GALNT17: variants seen among roughly 807,000 people sequenced by gnomAD.
GALNT17 encodes the protein polypeptide N-acetylgalactosaminyltransferase 17, also known as UDP-GalNAc:polypeptide N-acetylgalactosaminyltransferase-like 3.
GALNT17 carries 29 observed loss-of-function variants against 63.7 expected under a neutral mutation model. The observed-to-expected ratio is 0.46, with a 90% confidence interval of 0.34 to 0.62. The LOEUF is 0.62. Ranked by LOEUF, GALNT17 falls within the 20% of genes least tolerant of loss-of-function variation. The probability of loss-of-function intolerance (pLI) is 0.01; values close to 1 mark genes in which losing one functional copy is unlikely to be tolerated. For missense variants in GALNT17, 603 were observed against 799.6 expected (o/e 0.75, Z 2.97); for synonymous variants, 305 against 318.3 (o/e 0.96, Z 0.45).
At chr7:71,195,226 A>AT (rs1789024943) in intron 1 of GALNT17, among the ~76,000 whole-genome samples, 2 of 151,850 alleles carry the variant, frequency 1.3e-5, no homozygotes, top group Non-Finnish European at 1.5e-5. Flanking sequence ...TTATTTATTT[A>AT]TTTTTTTCAG....
chr7:71,428,755 G>A (rs1238698764), intron 5 of GALNT17, among the ~76,000 whole-genome samples: 2 of 152,134 alleles, frequency 1.3e-5, no homozygotes, highest in East Asian at 1.9e-4. Context: ...TTTTAAAGTG[G>A]TTCCAAGTCC....
intron 6 of GALNT17, among the ~76,000 whole-genome samples, chr7:71,641,403 A>G (rs1790600592): frequency 6.6e-6 from 1 of 152,168 alleles, no homozygotes; most frequent in Non-Finnish European, 1.5e-5. Context: ...AGCTGCTATA[A>G]CAAAATACCG....
chr7:71,631,897 C>T (rs140114639), intron 6 of GALNT17, among the ~76,000 whole-genome samples: 2,296 of 152,018 alleles, frequency 0.015, 28 homozygotes, highest in Non-Finnish European at 0.025. Context: ...TGGGTTAACT[C>T]GCCCAGCTGA....
At chr7:71,153,100 C>A (rs1198485381) in intron 1 of GALNT17, among the ~76,000 whole-genome samples, 1 of 152,134 alleles carries the variant, frequency 6.6e-6, no homozygotes, top group Non-Finnish European at 1.5e-5. Flanking sequence ...GGGTTTCAGA[C>A]AATGGACGAA....
At position 71,415,671 on chromosome 7, in the gene GALNT17, G is replaced by A. The variant is rs115607890; in HGVS notation, c.590-218G>A. On this transcript the variant is annotated intron_variant, in intron 3 of 10. Coordinates refer to ENST00000333538, the MANE Select transcript of GALNT17 (RefSeq NM_022479.3). The stretch of plus-strand genomic sequence containing the variant: ...AGGCCTGGTTCCCATCCCGCTGTAC[G>A]GATTGCAAACTGTCAGAAGATAGCT... Among the ~76,000 whole-genome samples, 290 of 152,264 alleles carry A rather than the reference G, an allele frequency of 1.9e-3. 1 individual carries two copies. The highest frequency in any genetic ancestry group is 6.8e-3 in the African/African-American group (281 of 41,560).
At chr7:71,282,475 A>G (rs967075367) in intron 1 of GALNT17, among the ~76,000 whole-genome samples, 1 of 152,254 alleles carries the variant, frequency 6.6e-6, no homozygotes, top group African/African-American at 2.4e-5. Context: ...AGCATTTAGC[A>G]CTGTGTCAGG....
intron 5 of GALNT17, among the ~76,000 whole-genome samples, chr7:71,533,431 C>T (rs569597057): frequency 5.9e-5 from 9 of 152,280 alleles, no homozygotes; most frequent in Non-Finnish European, 8.8e-5. Flanking sequence ...CCTTGCTTTG[C>T]GGTATCTTTC....
At chr7:71,356,974 G>A (rs919663129) in intron 2 of GALNT17, among the ~76,000 whole-genome samples, 1 of 151,820 alleles carries the variant, frequency 6.6e-6, no homozygotes, top group Non-Finnish European at 1.5e-5. Context: ...TAGAGACAGG[G>A]TTTCACCACG....
intron 6 of GALNT17, among the ~76,000 whole-genome samples, chr7:71,646,413 G>A (rs113050297): frequency 0.022 from 3,318 of 152,270 alleles, 145 homozygotes; most frequent in African/African-American, 0.075. Context: ...CCAGCCACAG[G>A]CCACCACCTT....
At chr7:71,393,223 T>G (rs984504431) in intron 3 of GALNT17, among the ~76,000 whole-genome samples, 6 of 151,858 alleles carry the variant, frequency 4.0e-5, no homozygotes, top group East Asian at 1.9e-4. Context: ...GCATACTCTG[T>G]TTTTTTTGCC....
chr7:71,633,256 C>T (rs796356496), intron 6 of GALNT17, among the ~76,000 whole-genome samples: 78 of 152,186 alleles, frequency 5.1e-4, no homozygotes, highest in African/African-American at 1.2e-3. Flanking sequence ...AGGCACAGCC[C>T]GGCTGTGGGT....
At chr7:71,433,061 T>A (rs891051393) in intron 5 of GALNT17, among the ~76,000 whole-genome samples, 3 of 152,188 alleles carry the variant, frequency 2.0e-5, no homozygotes, top group Non-Finnish European at 2.9e-5. Context: ...CACCTTGGCC[T>A]CCCAAAGTGC....
chr7:71,552,465 G>T (rs1448360870), intron 5 of GALNT17, among the ~76,000 whole-genome samples: 2 of 150,068 alleles, frequency 1.3e-5, no homozygotes, highest in African/African-American at 4.9e-5. Context: ...TTTTGAGATG[G>T]AGTCTCACTC....
chr7:71,399,254 A>C (rs1236377625), intron 3 of GALNT17, among the ~76,000 whole-genome samples: 7 of 152,068 alleles, frequency 4.6e-5, no homozygotes, highest in Admixed American at 3.9e-4. Context: ...CTCCAAAAAA[A>C]ATGTGGGAGT....
chr7:71,449,402 A>G (rs911780067), intron 5 of GALNT17, among the ~76,000 whole-genome samples: 2 of 152,096 alleles, frequency 1.3e-5, no homozygotes, highest in Non-Finnish European at 2.9e-5. Flanking sequence ...TTACCAGTGG[A>G]TAATCACATT....
At chr7:71,384,507 T>C (rs1792903997) in intron 2 of GALNT17, among the ~76,000 whole-genome samples, 1 of 152,220 alleles carries the variant, frequency 6.6e-6, no homozygotes, top group African/African-American at 2.4e-5. Flanking sequence ...CCGTCCCATG[T>C]TGCCTTCCAG....
intron 1 of GALNT17, among the ~76,000 whole-genome samples, chr7:71,274,200 A>C (rs988614541): frequency 6.6e-6 from 1 of 152,226 alleles, no homozygotes; most frequent in Non-Finnish European, 1.5e-5. Flanking sequence ...CAAAAGTCCT[A>C]AATATTTAAC....
intron 2 of GALNT17, among the ~76,000 whole-genome samples, chr7:71,369,199 T>C (rs1225170497): frequency 6.6e-6 from 1 of 152,218 alleles, no homozygotes; most frequent in Non-Finnish European, 1.5e-5. Context: ...ATTAATGTAT[T>C]AAACCAATAC....
intron 1 of GALNT17, among the ~76,000 whole-genome samples, chr7:71,148,592 A>G (rs1419778556): frequency 3.3e-5 from 5 of 152,114 alleles, no homozygotes; most frequent in South Asian, 2.1e-4. Context: ...ATTCCATTGA[A>G]TATTAAAATT....
Sources: allele counts gnomAD v4.1 joint callset (sites outside exome capture counted in the v4.1 genomes callset), GRCh38; gene constraint gnomAD v4.1.1; transcripts MANE v1.5; gene names NCBI Gene and HGNC (gene_info 2026-07-23, HGNC 2026-07-21).